The following CAPN7 variants were observed in gnomAD, a reference collection of about 807,000 sequenced individuals.
The protein encoded by CAPN7 is calpain 7, also known as calpain-7.
In CAPN7, 72 loss-of-function variants were observed where a neutral mutation model predicts 115.2. That is an observed-to-expected ratio of 0.63 (90% CI 0.52 to 0.76). CAPN7 has a LOEUF of 0.76. Among genes scored for constraint, CAPN7 ranks in the 30% least tolerant of loss-of-function variants. The pLI, the probability that CAPN7 is intolerant of heterozygous loss-of-function variation, is 0.00. For synonymous variants in CAPN7, 344 were observed against 322.3 expected (o/e 1.07, Z -0.72); for missense variants, 905 against 971.5 (o/e 0.93, Z 0.91).
chr3:15,225,452 T>C (rs1694258284), intron 6 of CAPN7, among the ~76,000 whole-genome samples: 1 of 152,234 alleles, frequency 6.6e-6, no homozygotes. Flanking sequence ...ATGTAAATCA[T>C]ATTTGTTATG....
intron 1 of CAPN7, among the ~76,000 whole-genome samples, chr3:15,208,682 T>C (rs1194603396): frequency 6.6e-6 from 1 of 152,158 alleles, no homozygotes; most frequent in East Asian, 1.9e-4. Context: ...GTTCATATCT[T>C]TATAACTAAT....
At chr3:15,222,078 A>G (rs942760079) in intron 5 of CAPN7, among the ~76,000 whole-genome samples, 4 of 152,218 alleles carry the variant, frequency 2.6e-5, no homozygotes, top group Non-Finnish European at 4.4e-5. Context: ...ATCAAAAAAA[A>G]AAAAAAAGAA....
rs767762096 is a variant in CAPN7 at position 15,206,508 on chromosome 3, G to A, written c.13G>A (p.Ala5Thr). The A allele has an allele frequency of 1.3e-6, 2 of 1,551,352 alleles. No individual in the cohort carries two copies. Among genetic ancestry groups the A allele is most frequent in the African/African-American group, 1.4e-5 (1 of 72,666 alleles). Residue 5 changes from alanine (A) to threonine (T), a missense_variant, in exon 1 of 21, where the codon GCA becomes ACA. Physicochemically the swap from Ala to Thr is moderately conservative, Grantham distance 58. Around this residue, in one of 3 missense-constraint regions of CAPN7, gnomAD observed 271 missense variants for 239.6 expected, o/e 1.13. Coordinates refer to ENST00000253693, the MANE Select transcript of CAPN7 (RefSeq NM_014296.3). MDAT[A>T]LERDAVQFAR... ...GGGCCACTGCGCCATGGACGCCACA[G>A]CACTGGAGCGGGACGCTGTGCAGTT...
chr3:15,206,247 AGGGCCGCTG>A lies in CAPN7; in HGVS notation c.-241_-233del, dbSNP rs1202968287. 2.7e-6 allele frequency: 1 copy of A among 368,964 alleles called. No individual in the cohort carries two copies. The highest frequency in any genetic ancestry group is 4.9e-6 in the Non-Finnish European group (1 of 203,454). The allele number at this position is 368,964 out of a possible 1,614,324, so 22.9% of individuals were successfully genotyped here. On this transcript the variant is annotated 5_prime_UTR_variant, in exon 1 of 21. Transcript: ENST00000253693. ...CGTCGGGCGGCTGGTGGGCGGGGCG[AGGGCCGCTG>A]GGGCCGCGAAGTGGGGCGGCCGGGT...
Position 15,247,367 on chromosome 3 carries a change from G to GTCGCCGTATCATTA in CAPN7, c.2114_2115insTCGCCGTATCATTA (p.Asn706ArgfsTer21). 1 of 1,609,936 alleles carries GTCGCCGTATCATTA rather than the reference G, an allele frequency of 6.2e-7. No homozygotes were observed. The highest frequency in any genetic ancestry group is 8.5e-7 in the Non-Finnish European group (1 of 1,177,944). The stretch of plus-strand genomic sequence containing the variant: ...AGTGGTCAGAGTGCTGGAGGATGTG[G>GTCGCCGTATCATTA]AAATTTCCAAGAGACTCACAAAAAT... On this transcript the variant is annotated frameshift_variant, in exon 19 of 21. Transcript: ENST00000253693. LOFTEE classifies it high-confidence loss of function.
chr3:15,235,416 C>T (rs1186199088), intron 12 of CAPN7, among the ~76,000 whole-genome samples: 9 of 152,126 alleles, frequency 5.9e-5, no homozygotes, highest in Non-Finnish European at 7.4e-5. Context: ...AGTTTTGAGG[C>T]GGAATACATA....
At chr3:15,217,806 C>A (rs1693727119) in intron 3 of CAPN7, among the ~76,000 whole-genome samples, 1 of 152,176 alleles carries the variant, frequency 6.6e-6, no homozygotes, top group Admixed American at 6.5e-5. Context: ...ATTACAAGAA[C>A]TATTTTTAAC....
Position 15,232,525 on chromosome 3 carries a change from A to G in CAPN7, c.1039A>G (p.Ile347Val). The G allele has an allele frequency of 6.2e-7, 1 of 1,602,520 alleles. No individual in the cohort carries two copies. The highest frequency in any genetic ancestry group is 8.5e-7 in the Non-Finnish European group (1 of 1,176,394). ...HLNGVPRKVI[I>V]DDQLPVDHKG... ...TAATGTTCTCTTTCTCCAGGTGATA[A>G]TTGATGACCAGTTACCTGTTGATCA... Residue 347 changes from isoleucine to valine, a missense_variant, in exon 10 of 21, where the codon ATT becomes GTT. Around this residue, in one of 3 missense-constraint regions of CAPN7, gnomAD observed 620 missense variants for 703.4 expected, o/e 0.88. Transcript: ENST00000253693.
At chr3:15,222,132 A>G (rs1694039506) in intron 5 of CAPN7, among the ~76,000 whole-genome samples, 1 of 151,932 alleles carries the variant, frequency 6.6e-6, no homozygotes, top group African/African-American at 2.4e-5. Flanking sequence ...TATATACCAT[A>G]TGGCTCTTTA....
At chr3:15,243,750 C>T (rs781504887) in intron 16 of CAPN7, among the ~76,000 whole-genome samples, 1 of 148,484 alleles carries the variant, frequency 6.7e-6, no homozygotes, top group Non-Finnish European at 1.5e-5. Context: ...AACTTACGAA[C>T]ACAAAGAAGG....
intron 1 of CAPN7, 127 bp from the exon 2 acceptor site, chr3:15,211,971 AATTACT>A (rs1433284562): frequency 3.1e-5 from 15 of 477,178 alleles, no homozygotes; most frequent in Admixed American, 1.2e-4. Context: ...TTATGAAAAA[AATTACT>A]ATTAATAATA....
intron 2 of CAPN7, among the ~76,000 whole-genome samples, chr3:15,213,443 C>T (rs568606927): frequency 6.6e-6 from 1 of 152,330 alleles, no homozygotes; most frequent in South Asian, 2.1e-4. Flanking sequence ...CAACATTGCA[C>T]TATCATGGAA....
chr3:15,234,230 C>G (rs867119655), intron 11 of CAPN7, among the ~76,000 whole-genome samples: 1 of 152,120 alleles, frequency 6.6e-6, no homozygotes, highest in African/African-American at 2.4e-5. Context: ...GCAGGAGAAT[C>G]GCTTGAACGC....
At chr3:15,211,541 G>A (rs1039496592) in intron 1 of CAPN7, among the ~76,000 whole-genome samples, 18 of 151,796 alleles carry the variant, frequency 1.2e-4, no homozygotes, top group African/African-American at 3.9e-4. Context: ...CTGTTTGGGC[G>A]TGTCCTGTGG....
At position 15,217,517 on chromosome 3, in the gene CAPN7, GAA is replaced by G. The variant is rs1247718787; in HGVS notation, c.308_309del (p.Lys103ArgfsTer4). On this transcript the variant is annotated frameshift_variant, in exon 3 of 21. Coordinates refer to ENST00000253693, the MANE Select transcript of CAPN7 (RefSeq NM_014296.3). LOFTEE classifies it high-confidence loss of function. ...FLVTQAFDED[E>X]KENVEDAIEL... The stretch of plus-strand genomic sequence containing the variant: ...TGTTACACAAGCTTTTGATGAAGAT[GAA>G]AAAGAGAATGTTGAAGATGCTATAG... 2 of 1,613,768 alleles carry G rather than the reference GAA, an allele frequency of 1.2e-6. No homozygotes were observed. Among genetic ancestry groups the G allele is most frequent in the South Asian group, 2.2e-5 (2 of 91,068 alleles).
rs1429501348 is a variant in CAPN7 at position 15,232,517 on chromosome 3, A to C, written c.1033-2A>C. The C allele has an allele frequency of 1.3e-6, 2 of 1,597,690 alleles. No individual in the cohort carries two copies. Among genetic ancestry groups the C allele is most frequent in the Non-Finnish European group, 1.7e-6 (2 of 1,174,648 alleles). ...AAGAAGGTTAATGTTCTCTTTCTCC[A>C]GGTGATAATTGATGACCAGTTACCT... is the stretch of plus-strand genomic sequence containing the variant. On this transcript the variant is annotated splice_acceptor_variant, in intron 9 of 20. Coordinates refer to ENST00000253693, the MANE Select transcript of CAPN7 (RefSeq NM_014296.3). LOFTEE classifies it high-confidence loss of function.
chr3:15,251,283 C>A lies in CAPN7; in HGVS notation c.*23C>A. On this transcript the variant is annotated 3_prime_UTR_variant, in exon 21 of 21. Transcript: ENST00000253693. ...TGATGGAGAAATCTCAAGTTACTGGCTTTTATACTTACCAAACATCAGTTC... is the reference window on the plus strand; with the variant it reads ...TGATGGAGAAATCTCAAGTTACTGGATTTTATACTTACCAAACATCAGTTC... 1 of 1,553,512 alleles carries A rather than the reference C, an allele frequency of 6.4e-7. No homozygotes were observed. Among genetic ancestry groups the A allele is most frequent in the Non-Finnish European group, 8.7e-7 (1 of 1,152,118 alleles).
At chr3:15,221,970 G>A (rs1408113664) in intron 5 of CAPN7, among the ~76,000 whole-genome samples, 1 of 150,628 alleles carries the variant, frequency 6.6e-6, no homozygotes, top group African/African-American at 2.4e-5. Context: ...AAAAATATGT[G>A]TGTATACACG....
chr3:15,229,171 G>T, intron 8 of CAPN7, 112 bp downstream of exon 8: 1 of 689,330 alleles, frequency 1.5e-6, no homozygotes, highest in Non-Finnish European at 2.5e-6. Flanking sequence ...TTCAGAATAT[G>T]GCCCTTCTGT....
Sources: allele counts gnomAD v4.1 joint callset (sites outside exome capture counted in the v4.1 genomes callset), GRCh38; gene constraint gnomAD v4.1.1; regional missense constraint gnomAD v4.1.1; transcripts MANE v1.5; gene names NCBI Gene and HGNC (gene_info 2026-07-23, HGNC 2026-07-21).